Variants in FGGY observed in about 807,000 individuals in gnomAD.
The protein encoded by FGGY is FGGY carbohydrate kinase domain-containing protein.
Under a neutral mutation model 71.3 loss-of-function variants are expected in FGGY, and 72 were observed. The ratio of observed to expected loss-of-function variants is 1.01; its 90% CI spans 0.84 to 1.23. FGGY has a LOEUF of 1.23. FGGY is among the 50% of genes most tolerant of loss of function. The pLI, the probability that FGGY is intolerant of heterozygous loss-of-function variation, is 0.00. For missense variants in FGGY, 668 were observed against 682.3 expected, an observed-to-expected ratio of 0.98 and a Z score of 0.23; for synonymous variants, 251 against 250.3, an observed-to-expected ratio of 1.00 and a Z score of -0.02.
chr1:59,660,419 A>G (rs1216537863), intron 12 of FGGY, 126 bp downstream of exon 12: 1 of 665,976 alleles, frequency 1.5e-6, no homozygotes. Flanking sequence ...TGTTTGCAAA[A>G]AAGAGATTCT....
intron 5 of FGGY, among the ~76,000 whole-genome samples, chr1:59,450,545 G>A (rs2153497774): frequency 6.6e-6 from 1 of 152,108 alleles, no homozygotes; most frequent in Admixed American, 6.5e-5. Flanking sequence ...AATTGAGTTT[G>A]TTGATTGTAT....
At chr1:59,727,199 A>G (rs2097958011) in intron 14 of FGGY, among the ~76,000 whole-genome samples, 1 of 152,164 alleles carries the variant, frequency 6.6e-6, no homozygotes, top group Non-Finnish European at 1.5e-5. Flanking sequence ...AGCTACCTCC[A>G]CGTTGTTGAA....
chr1:59,346,944 ATTCTTT>A (rs1034642565), intron 4 of FGGY, among the ~76,000 whole-genome samples: 1 of 120,450 alleles, frequency 8.3e-6, no homozygotes, highest in African/African-American at 4.0e-5. Context: ...TCCAAAATCA[ATTCTTT>A]TTTTTTTTTT....
At chr1:59,443,711 T>G (rs149603033) in intron 5 of FGGY, among the ~76,000 whole-genome samples, 68 of 152,354 alleles carry the variant, frequency 4.5e-4, no homozygotes, top group African/African-American at 1.5e-3. Context: ...AGAGGTATTT[T>G]AATATTGGAG....
At chr1:59,734,174 G>C (rs2101028024) in intron 14 of FGGY, among the ~76,000 whole-genome samples, 1 of 152,240 alleles carries the variant, frequency 6.6e-6, no homozygotes, top group Non-Finnish European at 1.5e-5. Context: ...ATTTCAGTAG[G>C]GTTTTGGGGA....
In FGGY at chr1:59,321,758, C is replaced by A. The variant is rs1327959550; in HGVS notation, c.201+8C>A. The A allele has an allele frequency of 1.2e-6, 2 of 1,606,654 alleles. No homozygotes were observed. Among genetic ancestry groups the A allele is most frequent in the Admixed American group, 1.7e-5 (1 of 59,114 alleles). The stretch of plus-strand genomic sequence containing the variant: ...TGCTGTGTTGTCACAAAGGTATGGG[C>A]AAAACTGGTGTTCTCTCCTTGTTCA... On this transcript the variant is annotated splice_region_variant and intron_variant, in intron 2 of 15. Transcript: ENST00000303721.
chr1:59,395,325 G>A (rs573475286), intron 5 of FGGY, among the ~76,000 whole-genome samples: 2 of 152,232 alleles, frequency 1.3e-5, no homozygotes, highest in African/African-American at 4.8e-5. Context: ...GTTTGTTCCA[G>A]AAAAGTTATA....
intron 4 of FGGY, among the ~76,000 whole-genome samples, chr1:59,374,850 T>C (rs2058363610): frequency 7.4e-6 from 1 of 134,248 alleles, no homozygotes; most frequent in South Asian, 2.3e-4. Flanking sequence ...TAGGTGGGAA[T>C]TGAACAATGG....
intron 5 of FGGY, among the ~76,000 whole-genome samples, chr1:59,399,727 A>C (rs902221828): frequency 6.6e-6 from 1 of 152,236 alleles, no homozygotes; most frequent in African/African-American, 2.4e-5. Flanking sequence ...TATGCCATGC[A>C]TATATCTTTA....
chr1:59,485,562 T>G (rs979091466), intron 6 of FGGY, among the ~76,000 whole-genome samples: 2 of 152,186 alleles, frequency 1.3e-5, no homozygotes, highest in African/African-American at 2.4e-5. Context: ...TTTGTATGAG[T>G]AGGAAATTTG....
intron 5 of FGGY, among the ~76,000 whole-genome samples, chr1:59,418,402 C>T (rs1178127979): frequency 6.6e-6 from 1 of 151,682 alleles, no homozygotes; most frequent in Non-Finnish European, 1.5e-5. Context: ...ACACAAGTTA[C>T]GTTAGGATCT....
chr1:59,597,664 A>G (rs1388336484), intron 8 of FGGY, among the ~76,000 whole-genome samples: 2 of 152,130 alleles, frequency 1.3e-5, no homozygotes, highest in African/African-American at 4.8e-5. Flanking sequence ...GCCACATTTA[A>G]TCTTTACAGA....
chr1:59,407,110 G>A (rs553419074), intron 5 of FGGY, among the ~76,000 whole-genome samples: 1 of 152,334 alleles, frequency 6.6e-6, no homozygotes, highest in African/African-American at 2.4e-5. Context: ...ATCTCTGGCA[G>A]TGGCCCCTCT....
intron 7 of FGGY, among the ~76,000 whole-genome samples, chr1:59,550,375 T>C (rs1233438004): frequency 6.6e-6 from 1 of 152,010 alleles, no homozygotes; most frequent in African/African-American, 2.4e-5. Context: ...ATCAAAGCAC[T>C]GTGTGGCCAA....
At chr1:59,584,405 C>G (rs1024104525) in intron 8 of FGGY, among the ~76,000 whole-genome samples, 1 of 149,884 alleles carries the variant, frequency 6.7e-6, no homozygotes, top group African/African-American at 2.5e-5. Context: ...ATAAACAGAA[C>G]AAACAACAAA....
chr1:59,429,543 C>T (rs965342204), intron 5 of FGGY, among the ~76,000 whole-genome samples: 11 of 152,142 alleles, frequency 7.2e-5, no homozygotes, highest in African/African-American at 2.7e-4. Flanking sequence ...ATTTTCTAGG[C>T]TAAAGTAATT....
intron 9 of FGGY, among the ~76,000 whole-genome samples, chr1:59,619,893 G>A (rs2096791699): frequency 2.0e-5 from 3 of 152,046 alleles, no homozygotes; most frequent in Non-Finnish European, 4.4e-5. Flanking sequence ...TGAGGAGGAT[G>A]ATGGCATGGA....
chr1:59,683,569 G>T (rs1419814221), intron 14 of FGGY, among the ~76,000 whole-genome samples: 1 of 152,208 alleles, frequency 6.6e-6, no homozygotes, highest in Admixed American at 6.5e-5. Context: ...GGTCAGAGAT[G>T]AATTCAGTTT....
intron 7 of FGGY, among the ~76,000 whole-genome samples, chr1:59,520,003 C>G (rs1292878668): frequency 1.3e-5 from 2 of 152,186 alleles, no homozygotes; most frequent in Non-Finnish European, 2.9e-5. Flanking sequence ...TGGCACTGGC[C>G]TGTGGTGGGT....
Sources: allele counts gnomAD v4.1 joint callset (sites outside exome capture counted in the v4.1 genomes callset), GRCh38; gene constraint gnomAD v4.1.1; transcripts MANE v1.5; gene names NCBI Gene and HGNC (gene_info 2026-07-23, HGNC 2026-07-21).